NOS1AP: variants seen among roughly 807,000 people sequenced by gnomAD.
NOS1AP encodes the protein carboxyl-terminal PDZ ligand of neuronal nitric oxide synthase protein.
Under a neutral mutation model 56.2 loss-of-function variants are expected in NOS1AP, and 21 were observed. The ratio of observed to expected loss-of-function variants is 0.37; its 90% CI spans 0.26 to 0.54. The LOEUF is 0.54. NOS1AP is among the 20% of genes least tolerant of loss of function. NOS1AP has a pLI of 0.84. For missense variants in NOS1AP, 522 were observed against 657.8 expected, an observed-to-expected ratio of 0.79 and a Z score of 2.26; for synonymous variants, 270 against 274.6, an observed-to-expected ratio of 0.98 and a Z score of 0.17.
intron 4 of NOS1AP, among the ~76,000 whole-genome samples, chr1:162,308,963 G>C (rs1655932452): frequency 6.6e-6 from 1 of 152,202 alleles, no homozygotes; most frequent in Non-Finnish European, 1.5e-5. Flanking sequence ...CATGGTTAGA[G>C]AGCTGTCTGG....
chr1:162,334,091 T>C (rs1031764960), intron 5 of NOS1AP, among the ~76,000 whole-genome samples: 2 of 152,188 alleles, frequency 1.3e-5, no homozygotes, highest in Admixed American at 1.3e-4. Flanking sequence ...CTTTAGCAGA[T>C]GTTTAGGTAC....
chr1:162,271,580 G>A (rs1039068304), intron 2 of NOS1AP, among the ~76,000 whole-genome samples: 16 of 152,214 alleles, frequency 1.1e-4, no homozygotes, highest in African/African-American at 3.9e-4. Context: ...AATCAGTTCA[G>A]CCTTTCGTGT....
chr1:162,182,680 G>A (rs898233777), intron 2 of NOS1AP, among the ~76,000 whole-genome samples: 5 of 152,120 alleles, frequency 3.3e-5, no homozygotes, highest in Admixed American at 6.5e-5. Flanking sequence ...TGTTCATAGC[G>A]GGTCTACAGG....
intron 1 of NOS1AP, among the ~76,000 whole-genome samples, chr1:162,129,639 A>G (rs1025002012): frequency 1.3e-4 from 20 of 152,192 alleles, no homozygotes; most frequent in African/African-American, 4.8e-4. Context: ...TCCTTGAGTT[A>G]TTGATTCTGT....
At chr1:162,151,875 C>T (rs1649724364) in intron 1 of NOS1AP, among the ~76,000 whole-genome samples, 1 of 151,924 alleles carries the variant, frequency 6.6e-6, no homozygotes, top group Non-Finnish European at 1.5e-5. Flanking sequence ...TGTACATGTA[C>T]ATGCGCACCA....
At position 162,224,317 on chromosome 1, in the gene NOS1AP, T is replaced by G. The variant is rs943999564; in HGVS notation, c.178-63027T>G. 2.6e-5 allele frequency among the ~76,000 whole-genome samples: 4 copies of G among 152,234 alleles called. No individual in the cohort carries two copies. In the East Asian group the frequency reaches 7.7e-4, roughly 29 times the overall value. ...GCACTTATTTTTTCCAGGATTGAAA[T>G]ATATTCTGGCAGTTTCTCCCTGCTT... On this transcript the variant is annotated intron_variant, in intron 2 of 9. Coordinates refer to ENST00000361897, the MANE Select transcript of NOS1AP (RefSeq NM_014697.3).
chr1:162,081,062 A>T (rs1691875340), intron 1 of NOS1AP, among the ~76,000 whole-genome samples: 1 of 152,196 alleles, frequency 6.6e-6, no homozygotes. Context: ...GCTGTATGTC[A>T]TTCAAAATAC....
At chr1:162,176,584 C>G (rs1048322151) in intron 2 of NOS1AP, among the ~76,000 whole-genome samples, 3 of 137,322 alleles carry the variant, frequency 2.2e-5, no homozygotes, top group African/African-American at 8.2e-5. Flanking sequence ...TCTTGGCTCA[C>G]TGCAACCTCT....
At chr1:162,324,416 C>CTTTTTTTTTTTTTTTTTT (rs35946766) in intron 4 of NOS1AP, among the ~76,000 whole-genome samples, 2 of 72,146 alleles carry the variant, frequency 2.8e-5, no homozygotes, top group African/African-American at 4.9e-5. Flanking sequence ...GGACACTAGC[C>CTTTTTTTTTTTTTTTTTT]TTTTTTTTTT....
At chr1:162,082,907 T>TGG (rs770504153) in intron 1 of NOS1AP, among the ~76,000 whole-genome samples, 13 of 616 alleles carry the variant, frequency 0.021, no homozygotes, top group African/African-American at 0.022. Context: ...TTTTTTTTTT[T>TGG]TTTTTTTGAG....
intron 2 of NOS1AP, among the ~76,000 whole-genome samples, chr1:162,178,769 T>C (rs1448434273): frequency 6.6e-6 from 1 of 152,264 alleles, no homozygotes; most frequent in Non-Finnish European, 1.5e-5. Context: ...AAGGTTTCTT[T>C]CTCTGTGTGA....
chr1:162,306,073 A>G (rs1210632587), intron 4 of NOS1AP, among the ~76,000 whole-genome samples: 1 of 152,192 alleles, frequency 6.6e-6, no homozygotes, highest in Non-Finnish European at 1.5e-5. Context: ...GTACAATTTC[A>G]GTAGGAGCTG....
At chr1:162,195,220 C>T (rs923818042) in intron 2 of NOS1AP, among the ~76,000 whole-genome samples, 7 of 152,102 alleles carry the variant, frequency 4.6e-5, no homozygotes, top group African/African-American at 1.7e-4. Flanking sequence ...AAGCTGTCAT[C>T]GTGAATAATC....
chr1:162,215,688 C>T lies in NOS1AP; in HGVS notation c.177+61212C>T, dbSNP rs191852950. 2.9e-4 allele frequency among the ~76,000 whole-genome samples: 44 copies of T among 152,352 alleles called. 2 individuals carry two copies. The East Asian group carries it at 8.5e-3, about 29-fold the overall frequency. ...AGTGTGTCATCCAGATGGTCTCCAGCAGAATGGCCCCTTGGGTCCTCCACT... is the reference window on the plus strand; with the variant it reads ...AGTGTGTCATCCAGATGGTCTCCAGTAGAATGGCCCCTTGGGTCCTCCACT... On this transcript the variant is annotated intron_variant, in intron 2 of 9. Transcript: ENST00000361897.
At chr1:162,178,512 T>C (rs1651142187) in intron 2 of NOS1AP, among the ~76,000 whole-genome samples, 1 of 152,230 alleles carries the variant, frequency 6.6e-6, no homozygotes, top group Non-Finnish European at 1.5e-5. Flanking sequence ...TTAGCAACCC[T>C]ATGAAGTAGG....
intron 3 of NOS1AP, among the ~76,000 whole-genome samples, chr1:162,290,522 C>G (rs1459575629): frequency 6.6e-6 from 1 of 152,118 alleles, no homozygotes; most frequent in Non-Finnish European, 1.5e-5. Context: ...CAATTTTCTC[C>G]AAGGAAATGG....
At chr1:162,334,748 T>A (rs907966282) in intron 5 of NOS1AP, among the ~76,000 whole-genome samples, 20 of 152,240 alleles carry the variant, frequency 1.3e-4, no homozygotes, top group African/African-American at 4.6e-4. Context: ...CTTTAATAGT[T>A]AATCTTATTT....
At chr1:162,165,982 C>A (rs1257442240) in intron 2 of NOS1AP, among the ~76,000 whole-genome samples, 1 of 152,168 alleles carries the variant, frequency 6.6e-6, no homozygotes, top group Non-Finnish European at 1.5e-5. Context: ...ATTTCCTTAT[C>A]TCTTGGAAAG....
chr1:162,233,077 G>A (rs1201962644), intron 2 of NOS1AP, among the ~76,000 whole-genome samples: 1 of 152,184 alleles, frequency 6.6e-6, no homozygotes, highest in Non-Finnish European at 1.5e-5. Context: ...CTACTGGAGG[G>A]CTTATTAAAA....
Sources: allele counts gnomAD v4.1 joint callset (sites outside exome capture counted in the v4.1 genomes callset), GRCh38; gene constraint gnomAD v4.1.1; transcripts MANE v1.5; gene names NCBI Gene and HGNC (gene_info 2026-07-23, HGNC 2026-07-21).